The following LRP5 variants were observed in gnomAD, a reference collection of about 807,000 sequenced individuals.
LRP5 encodes low-density lipoprotein receptor-related protein 5.
In LRP5, 62 loss-of-function variants were observed where a neutral mutation model predicts 154.1. That is an observed-to-expected ratio of 0.40 (90% CI 0.33 to 0.50). The LOEUF (loss-of-function observed/expected upper bound fraction) is 0.50. Among genes scored for constraint, LRP5 ranks in the 20% least tolerant of loss-of-function variants. The probability of loss-of-function intolerance (pLI) is 0.55; values close to 1 mark genes in which losing one functional copy is unlikely to be tolerated. For synonymous variants in LRP5, 966 were observed against 1,011.5 expected (o/e 0.96, Z 0.85); for missense variants, 1,915 against 2,336.7 (o/e 0.82, Z 3.72).
At position 68,449,150 on chromosome 11, in the gene LRP5, A is replaced by G; in HGVS notation, c.*80A>G. The G allele has an allele frequency of 8.3e-7, 1 of 1,198,284 alleles. No individual in the cohort carries two copies. The highest frequency in any genetic ancestry group is 1.1e-6 in the Non-Finnish European group (1 of 906,952). The allele number at this position is 1,198,284 out of a possible 1,614,324, so 74.2% of individuals were successfully genotyped here. A position where few individuals can be genotyped will look rare whatever the true frequency, so the allele number is the denominator to read the frequency against. On this transcript the variant is annotated 3_prime_UTR_variant, in exon 23 of 23. Coordinates refer to ENST00000294304, the MANE Select transcript of LRP5 (RefSeq NM_002335.4). The stretch of plus-strand genomic sequence containing the variant: ...AACAAAGAAAAAAATATATTTTATG[A>G]TTTAAAAAATAAATATAATTGGGAT...
chr11:68,335,102 G>A (rs892036329), intron 1 of LRP5, among the ~76,000 whole-genome samples: 5 of 142,904 alleles, frequency 3.5e-5, no homozygotes, highest in Admixed American at 1.4e-4. Context: ...TTAAGACAGC[G>A]TCTTGCTGTG....
intron 1 of LRP5, among the ~76,000 whole-genome samples, chr11:68,329,008 G>A (rs945423478): frequency 7.9e-5 from 12 of 152,130 alleles, no homozygotes; most frequent in Non-Finnish European, 1.6e-4. Context: ...CTTCCCACAC[G>A]TGTGCATGCA....
At chr11:68,332,731 T>A (rs892043400) in intron 1 of LRP5, among the ~76,000 whole-genome samples, 3 of 152,180 alleles carry the variant, frequency 2.0e-5, no homozygotes, top group Non-Finnish European at 4.4e-5. Flanking sequence ...CCTTGTGGGC[T>A]GAGGCCAGGC....
At chr11:68,316,408 A>G (rs753535171) in intron 1 of LRP5, among the ~76,000 whole-genome samples, 7 of 151,970 alleles carry the variant, frequency 4.6e-5, no homozygotes, top group Non-Finnish European at 5.9e-5. Context: ...AGTAGCTTGC[A>G]TTACAGGTGC....
chr11:68,409,216 T>G (rs934174718), intron 9 of LRP5, among the ~76,000 whole-genome samples: 1 of 61,036 alleles, frequency 1.6e-5, no homozygotes, highest in East Asian at 5.4e-4. Context: ...AGTAAATATA[T>G]AATATATAAT....
At chr11:68,361,542 C>T (rs182410162) in intron 3 of LRP5, among the ~76,000 whole-genome samples, 3,608 of 151,798 alleles carry the variant, frequency 0.024, 111 homozygotes, top group African/African-American at 0.073. Context: ...GAGGCTGAGG[C>T]AGGAGAATGG....
chr11:68,408,682 A>G (rs2098657118), intron 9 of LRP5, among the ~76,000 whole-genome samples: 1 of 152,100 alleles, frequency 6.6e-6, no homozygotes, highest in African/African-American at 2.4e-5. Context: ...CTTTGGCACA[A>G]TCTTTTAAAT....
At chr11:68,361,086 A>G (rs2098627656) in intron 3 of LRP5, among the ~76,000 whole-genome samples, 1 of 149,042 alleles carries the variant, frequency 6.7e-6, no homozygotes, top group African/African-American at 2.5e-5. Context: ...CGGGCGGATC[A>G]CGAGGTCAGG....
chr11:68,323,106 T>G (rs2098597660), intron 1 of LRP5, among the ~76,000 whole-genome samples: 1 of 152,234 alleles, frequency 6.6e-6, no homozygotes, highest in Non-Finnish European at 1.5e-5. Context: ...TTGGTGGTTT[T>G]GATTGATTTA....
rs183377804 is a variant in LRP5, at chr11:68,357,694, G to A, written c.533G>A (p.Arg178Gln). 1.9e-5 allele frequency: 30 copies of A among 1,613,990 alleles called. No individual in the cohort carries two copies. The highest frequency in any genetic ancestry group is 3.3e-4 in the Middle Eastern group (2 of 6,082). Residue 178 changes from arginine (R) to glutamine (Q), a missense_variant, in exon 3 of 23, where the codon CGG (arginine) becomes CAG (glutamine). Physicochemically the swap from Arg to Gln is conservative, Grantham distance 43. This residue lies in a region of LRP5 where 773 missense variants were observed against 1,100.9 expected (regional missense o/e 0.70). Coordinates refer to ENST00000294304, the MANE Select transcript of LRP5 (RefSeq NM_002335.4). ...TDWGETPRIE[R>Q]AGMDGSTRKI... ...TGGGGTGAGACGCCCCGGATTGAGC[G>A]GGCAGGGATGGATGGCAGCACCCGG...
chr11:68,340,472 G>A (rs549828661), intron 1 of LRP5, among the ~76,000 whole-genome samples: 17 of 152,220 alleles, frequency 1.1e-4, no homozygotes, highest in African/African-American at 2.6e-4. Flanking sequence ...ACCCCCTCCC[G>A]GCTGTTACCT....
intron 21 of LRP5, among the ~76,000 whole-genome samples, chr11:68,440,190 C>T (rs952031371): frequency 2.6e-5 from 4 of 152,352 alleles, no homozygotes; most frequent in East Asian, 1.9e-4. Flanking sequence ...AGCATCCAGG[C>T]GGCCGTCTGT....
At chr11:68,342,258 C>T (rs939063620) in intron 1 of LRP5, among the ~76,000 whole-genome samples, 2 of 152,114 alleles carry the variant, frequency 1.3e-5, no homozygotes, top group Non-Finnish European at 2.9e-5. Context: ...CTCTCTCCCT[C>T]CCGTCGGGTT....
At chr11:68,360,519 C>T (rs1469455275) in intron 3 of LRP5, among the ~76,000 whole-genome samples, 1 of 152,240 alleles carries the variant, frequency 6.6e-6, no homozygotes, top group Non-Finnish European at 1.5e-5. Flanking sequence ...TGGGGCTATT[C>T]ACATGGAAGC....
In LRP5 at chr11:68,329,338, G is replaced by A. The variant is rs1470361543; in HGVS notation, c.91+16533G>A. Reference sequence around the variant, plus strand: ...TTTAATCCTTCCAGCTGCCCTGTGGGCTGGGGGCCATCCCTACCCTCATTT... The same window carrying A: ...TTTAATCCTTCCAGCTGCCCTGTGGACTGGGGGCCATCCCTACCCTCATTT... On this transcript the variant is annotated intron_variant, in intron 1 of 22. Coordinates refer to ENST00000294304, the MANE Select transcript of LRP5 (RefSeq NM_002335.4). Among the ~76,000 whole-genome samples the A allele has an allele frequency of 2.0e-5, 3 of 152,184 alleles. No homozygotes were observed. The East Asian group carries it at 5.8e-4, about 29-fold the overall frequency.
Position 68,416,544 on chromosome 11 carries a change from A to G in LRP5, c.3027+17A>G. ...GGGACCCAGGCAGGTGCCCTGTGGG[A>G]AGGGTGCGGGGTGTGCTTCCCAAGG... On this transcript the variant is annotated intron_variant, in intron 13 of 22. Transcript: ENST00000294304. 6.2e-7 allele frequency: 1 copy of G among 1,613,472 alleles called. No individual in the cohort carries two copies. Among genetic ancestry groups the G allele is most frequent in the Non-Finnish European group, 8.5e-7 (1 of 1,179,744 alleles).
At chr11:68,354,362 A>G (rs2098621309) in intron 2 of LRP5, among the ~76,000 whole-genome samples, 2 of 152,204 alleles carry the variant, frequency 1.3e-5, no homozygotes, top group Admixed American at 1.3e-4. Flanking sequence ...AACTCGGGGA[A>G]GGAATGTGAA....
rs1298047400 is a variant in LRP5, at chr11:68,411,571, C to G, written c.2454C>G (p.Leu818=). Residue 818 remains leucine (L), a synonymous_variant, in exon 11 of 23, where the codon CTC becomes CTG. Transcript: ENST00000294304. ...CCATTGACTACGCTGACCAGCGCCT[C>G]TACTGGACCGACCTGGACACCAACA... ...DLTIDYADQR[L]YWTDLDTNMI... 8.7e-6 allele frequency: 14 copies of G among 1,613,604 alleles called. No homozygotes were observed. The highest frequency in any genetic ancestry group is 6.7e-5 in the African/African-American group (5 of 74,950).
Position 68,438,702 on chromosome 11 carries a change from G to A in LRP5, c.4348+20G>A, listed in dbSNP as rs774778834. On this transcript the variant is annotated intron_variant, in intron 20 of 22. Transcript: ENST00000294304. ...TCACAGGTAAGGAGCCTGAGATATGGAATGATCTGGAGGAGGCAGGAGAGT... is the reference window on the plus strand; with the variant it reads ...TCACAGGTAAGGAGCCTGAGATATGAAATGATCTGGAGGAGGCAGGAGAGT... 5.0e-6 allele frequency: 8 copies of A among 1,604,310 alleles called. No homozygotes were observed. The East Asian group carries it at 1.6e-4, about 31-fold the overall frequency.
Sources: allele counts gnomAD v4.1 joint callset (sites outside exome capture counted in the v4.1 genomes callset), GRCh38; gene constraint gnomAD v4.1.1; regional missense constraint gnomAD v4.1.1; transcripts MANE v1.5; gene names NCBI Gene and HGNC (gene_info 2026-07-23, HGNC 2026-07-21).